TRPM1: variants seen among roughly 807,000 people sequenced by gnomAD.
TRPM1 encodes the protein TRPM1-203 APA Isoform, Intron 10.
TRPM1 carries 113 observed loss-of-function variants against 149.4 expected under a neutral mutation model. That is an observed-to-expected ratio of 0.76 (90% confidence interval 0.65 to 0.88). TRPM1 has a LOEUF of 0.88. Among genes scored for constraint, TRPM1 ranks in the 40% least tolerant of loss-of-function variants. The pLI, the probability that TRPM1 is intolerant of heterozygous loss-of-function variation, is 0.00. For synonymous variants in TRPM1, 741 were observed against 759.5 expected (o/e 0.98, Z 0.40); for missense variants, 1,976 against 2,038.7 (o/e 0.97, Z 0.59).
chr15:31,107,227 G>C (rs2035618716), intron 1 of TRPM1, among the ~76,000 whole-genome samples: 1 of 152,168 alleles, frequency 6.6e-6, no homozygotes, highest in Admixed American at 6.5e-5. Context: ...CTACTCCAAT[G>C]TCTTTACTTT....
intron 7 of TRPM1, among the ~76,000 whole-genome samples, chr15:31,064,349 A>G (rs1050959993): frequency 6.6e-6 from 1 of 152,140 alleles, no homozygotes; most frequent in Non-Finnish European, 1.5e-5. Flanking sequence ...CTCTGTCTCT[A>G]TCAGTTAATA....
intron 15 of TRPM1, 137 bp downstream of exon 15, chr15:31,046,974 C>G: frequency 8.2e-7 from 1 of 1,222,258 alleles, no homozygotes. Flanking sequence ...GGCCTGAGAG[C>G]ACTGTAGGAG....
chr15:31,145,105 C>T (rs986629742), intron 1 of TRPM1, among the ~76,000 whole-genome samples: 5 of 152,102 alleles, frequency 3.3e-5, no homozygotes, highest in African/African-American at 4.8e-5. Flanking sequence ...TACAACTCTC[C>T]GACTAAAACC....
At chr15:31,035,496 CA>C (rs757717767) in intron 21 of TRPM1, 49 bp downstream of exon 21, 1 of 1,613,262 alleles carries the variant, frequency 6.2e-7, no homozygotes, top group Admixed American at 1.7e-5. Context: ...GCCATATCTG[CA>C]TTTGCAGTCA....
chr15:31,021,418 G>C (rs1167743810), intron 27 of TRPM1, among the ~76,000 whole-genome samples: 1 of 152,166 alleles, frequency 6.6e-6, no homozygotes, highest in Non-Finnish European at 1.5e-5. Flanking sequence ...ATCCAGGATG[G>C]GGCATGATGT....
intron 1 of TRPM1, among the ~76,000 whole-genome samples, chr15:31,138,413 C>T (rs979574468): frequency 1.3e-5 from 2 of 152,116 alleles, no homozygotes; most frequent in African/African-American, 2.4e-5. Context: ...GACAACCTCT[C>T]TCTTGGAATA....
chr15:31,091,190 C>G (rs2035227960), intron 1 of TRPM1, among the ~76,000 whole-genome samples: 1 of 152,322 alleles, frequency 6.6e-6, no homozygotes, highest in Admixed American at 6.5e-5. Context: ...GATGGCAGAG[C>G]TGAGAGTGAA....
At chr15:31,050,874 A>G (rs2033931614) in intron 11 of TRPM1, among the ~76,000 whole-genome samples, 1 of 152,174 alleles carries the variant, frequency 6.6e-6, no homozygotes, top group Non-Finnish European at 1.5e-5. Flanking sequence ...ACTTGACTTG[A>G]TGCAGCGACT....
At chr15:31,021,674 C>CAAA in intron 27 of TRPM1, among the ~76,000 whole-genome samples, 1 of 142,952 alleles carries the variant, frequency 7.0e-6, no homozygotes, top group Non-Finnish European at 1.5e-5. Flanking sequence ...CCAGCCTGGG[C>CAAA]AACAAAGCAG....
intron 22 of TRPM1, 66 bp downstream of exon 22, chr15:31,032,623 G>A: frequency 6.3e-7 from 1 of 1,593,848 alleles, no homozygotes; most frequent in South Asian, 1.1e-5. Context: ...CCATGCCCAA[G>A]GCCTGTTCTT....
intron 1 of TRPM1, among the ~76,000 whole-genome samples, chr15:31,085,165 G>C (rs1490212944): frequency 6.6e-6 from 1 of 152,112 alleles, no homozygotes; most frequent in Admixed American, 6.5e-5. Flanking sequence ...TTAAAAAAGA[G>C]AAAAAGGAGA....
chr15:31,153,565 C>G (rs1005859076), intron 1 of TRPM1, among the ~76,000 whole-genome samples: 8 of 152,174 alleles, frequency 5.3e-5, no homozygotes, highest in African/African-American at 1.4e-4. Flanking sequence ...CTCAGGCAAT[C>G]CACCCACCTC....
At chr15:31,076,684 G>C (rs1240214404) in intron 3 of TRPM1, among the ~76,000 whole-genome samples, 1 of 152,176 alleles carries the variant, frequency 6.6e-6, no homozygotes, top group East Asian at 1.9e-4. Flanking sequence ...TTGGCTATGA[G>C]AGTTCGCATT....
At chr15:31,015,785 C>T (rs2032337515) in intron 27 of TRPM1, among the ~76,000 whole-genome samples, 1 of 151,984 alleles carries the variant, frequency 6.6e-6, no homozygotes, top group African/African-American at 2.4e-5. Context: ...TCCTTCCATC[C>T]ATGGCAGCCC....
intron 24 of TRPM1, 83 bp downstream of exon 24, chr15:31,029,288 A>G (rs2032945304): frequency 3.5e-6 from 5 of 1,412,248 alleles, no homozygotes. Flanking sequence ...AAAACAGTTT[A>G]AGACTACTAG....
In TRPM1 at chr15:31,130,399, A is replaced by G. The variant is rs1248280266; in HGVS notation, c.54+30507T>C. Among the ~76,000 whole-genome samples the G allele has an allele frequency of 4.6e-5, 7 of 152,210 alleles. No homozygotes were observed. In the East Asian group the frequency reaches 9.6e-4, roughly 21 times the overall value. The stretch of plus-strand genomic sequence containing the variant: ...GGGTGTAGGCTGAACTAACTTTGGG[A>G]GGAACTTAGTTTATAGTTTAACTTT... On this transcript the variant is annotated intron_variant, in intron 1 of 26. Transcript: ENST00000542188.
intron 1 of TRPM1, among the ~76,000 whole-genome samples, chr15:31,089,059 T>A (rs1398478293): frequency 1.3e-5 from 2 of 152,176 alleles, no homozygotes; most frequent in African/African-American, 4.8e-5. Flanking sequence ...GTAATTAGGA[T>A]AAGTAACATT....
chr15:31,109,871 G>T (rs924931542), intron 1 of TRPM1, among the ~76,000 whole-genome samples: 1 of 152,054 alleles, frequency 6.6e-6, no homozygotes, highest in South Asian at 2.1e-4. Context: ...GGCTGGAGAC[G>T]GGCGATGGGC....
chr15:31,060,501 A>G (rs372436714), intron 11 of TRPM1, 43 bp downstream of exon 11: 275 of 1,535,342 alleles, frequency 1.8e-4, no homozygotes, highest in Non-Finnish European at 2.4e-4. Context: ...TCACTTGTAC[A>G]AAGTCAAGAT....
Sources: allele counts gnomAD v4.1 joint callset (sites outside exome capture counted in the v4.1 genomes callset), GRCh38; gene constraint gnomAD v4.1.1; transcripts MANE v1.5; gene names NCBI Gene and HGNC (gene_info 2026-07-23, HGNC 2026-07-21).